Variants in PDE9A observed in about 807,000 individuals in gnomAD.
The protein encoded by PDE9A is high affinity cGMP-specific 3',5'-cyclic phosphodiesterase 9A.
Under a neutral mutation model 87.4 loss-of-function variants are expected in PDE9A, and 60 were observed. That is an observed-to-expected ratio of 0.69 (90% confidence interval 0.56 to 0.85). The LOEUF is 0.85. PDE9A is among the 40% of genes least tolerant of loss of function. PDE9A has a pLI of 0.00. For missense variants in PDE9A, 665 were observed against 779.0 expected (o/e 0.85, Z 1.74); for synonymous variants, 272 against 279.4 (o/e 0.97, Z 0.27).
chr21:42,688,093 G>A, intron 3 of PDE9A, 99 bp downstream of exon 3: 1 of 991,870 alleles, frequency 1.0e-6, no homozygotes, highest in Non-Finnish European at 1.6e-6. Flanking sequence ...CTGCAGAAAG[G>A]TGTGAATTGA....
chr21:42,775,344 G>A lies in PDE9A; in HGVS notation c.*51G>A, dbSNP rs201154080. The A allele has an allele frequency of 4.4e-4, 694 of 1,587,234 alleles. No individual in the cohort carries two copies. The African/African-American group carries it at 6.4e-3, about 15-fold the overall frequency. ...TCTGGACGGGCTGGCCGAGCTGCGC[G>A]GGATCCTTGTGCAGGGAAGAGCTGC... On this transcript the variant is annotated 3_prime_UTR_variant, in exon 20 of 20. Coordinates refer to ENST00000291539, the MANE Select transcript of PDE9A (RefSeq NM_002606.3).
intron 7 of PDE9A, chr21:42,733,639 T>C: frequency 1.7e-6 from 1 of 580,202 alleles, no homozygotes; most frequent in Non-Finnish European, 3.1e-6. Context: ...GCACAGCTCA[T>C]GGTATAAAGC....
intron 8 of PDE9A, among the ~76,000 whole-genome samples, chr21:42,750,886 C>T (rs924400567): frequency 1.3e-5 from 2 of 151,850 alleles, no homozygotes; most frequent in African/African-American, 4.8e-5. Context: ...CGCCCAGCCC[C>T]AACATCTGAC....
At chr21:42,713,496 T>C (rs2049535459) in intron 4 of PDE9A, among the ~76,000 whole-genome samples, 1 of 152,250 alleles carries the variant, frequency 6.6e-6, no homozygotes, top group African/African-American at 2.4e-5. Context: ...CTGTCTATGC[T>C]TAAATGGGAT....
chr21:42,700,708 A>G (rs2048318585), intron 4 of PDE9A: 2 of 152,194 alleles, frequency 1.3e-5, no homozygotes, highest in Admixed American at 1.3e-4. Flanking sequence ...TCATTTCTCC[A>G]GCACCATTTG....
intron 7 of PDE9A, among the ~76,000 whole-genome samples, chr21:42,742,732 TG>T (rs1235268834): frequency 2.6e-5 from 4 of 152,116 alleles, no homozygotes. Flanking sequence ...CCCAAAGTGC[TG>T]GGATTACAGG....
Position 42,694,390 on chromosome 21 carries a change from G to A in PDE9A, c.219-4578G>A, listed in dbSNP as rs1473395373. 6.6e-6 allele frequency among the ~76,000 whole-genome samples: 1 copy of A among 152,150 alleles called. No individual in the cohort carries two copies. Among genetic ancestry groups the A allele is most frequent in the Non-Finnish European group, 1.5e-5 (1 of 68,016 alleles). ...CTGGCATGCTTGGATTCCTGCAGGT[G>A]GCTGGTTGCACCTAGCTTGCTTGGA... On this transcript the variant is annotated intron_variant, in intron 3 of 19. Transcript: ENST00000291539. The surrounding 1 kb of genome is among the most constrained non-coding windows in gnomAD (Gnocchi z 5.3).
intron 4 of PDE9A, among the ~76,000 whole-genome samples, chr21:42,708,994 T>C (rs749519153): frequency 6.6e-6 from 1 of 152,232 alleles, no homozygotes; most frequent in Non-Finnish European, 1.5e-5. Flanking sequence ...TATAAAGATA[T>C]ATCTACATGT....
chr21:42,769,233 A>G, intron 17 of PDE9A, 78 bp downstream of exon 17: 1 of 1,316,166 alleles, frequency 7.6e-7, no homozygotes, highest in Non-Finnish European at 1.1e-6. Flanking sequence ...ACACATATAC[A>G]CATATGCACA....
At chr21:42,681,431 C>T (rs934710049) in intron 1 of PDE9A, among the ~76,000 whole-genome samples, 2 of 152,202 alleles carry the variant, frequency 1.3e-5, no homozygotes, top group African/African-American at 2.4e-5. Flanking sequence ...TGGCTGGGTG[C>T]GTGGGAGCCA....
Position 42,743,866 on chromosome 21 carries a change from G to T in PDE9A, c.653+6G>T. 6.4e-7 allele frequency: 1 copy of T among 1,552,204 alleles called. No homozygotes were observed. The highest frequency in any genetic ancestry group is 8.8e-7 in the Non-Finnish European group (1 of 1,141,200). ...CTGGCGGCCAGAAGCAGCAGGTAGG[G>T]TCTGCGCTGGGGCCACGGGCGGCCG... is the stretch of plus-strand genomic sequence containing the variant. On this transcript the variant is annotated splice_donor_region_variant and intron_variant, in intron 8 of 19. Coordinates refer to ENST00000291539, the MANE Select transcript of PDE9A (RefSeq NM_002606.3).
At chr21:42,716,516 C>G (rs2049931344) in intron 4 of PDE9A, among the ~76,000 whole-genome samples, 1 of 151,588 alleles carries the variant, frequency 6.6e-6, no homozygotes, top group Non-Finnish European at 1.5e-5. Flanking sequence ...TGCCTGCTTG[C>G]CATCTGCATG....
intron 14 of PDE9A, among the ~76,000 whole-genome samples, chr21:42,763,522 C>G (rs2147128225): frequency 6.6e-6 from 1 of 152,316 alleles, no homozygotes; most frequent in Admixed American, 6.5e-5. Flanking sequence ...GGACCCTCCC[C>G]TGGAGTCTTC....
rs531109184 is a variant in PDE9A, at chr21:42,695,545, G to A, written c.219-3423G>A. Among the ~76,000 whole-genome samples the A allele has an allele frequency of 2.0e-4, 30 of 152,226 alleles. No homozygotes were observed. The highest frequency in any genetic ancestry group is 3.2e-3 in the Middle Eastern group (1 of 316). ...ACACACCATTGCTCCTTTTGTTCCC[G>A]GTTTCGGCCAAGTTGTGCCGCAGGT... On this transcript the variant is annotated intron_variant, in intron 3 of 19. Transcript: ENST00000291539. The surrounding 1 kb of genome is among the most constrained non-coding windows in gnomAD (Gnocchi z 4.3).
intron 14 of PDE9A, 78 bp from the exon 15 acceptor site, chr21:42,765,303 G>C: frequency 4.1e-6 from 3 of 730,742 alleles, no homozygotes; most frequent in Admixed American, 2.3e-5. Context: ...TGTGCAGGGG[G>C]CTCAGTACAC....
intron 1 of PDE9A, among the ~76,000 whole-genome samples, chr21:42,657,341 G>A (rs530042121): frequency 3.9e-5 from 6 of 152,320 alleles, no homozygotes; most frequent in South Asian, 2.1e-4. Context: ...CCCCAACCCC[G>A]TGTCTAGACC....
intron 1 of PDE9A, among the ~76,000 whole-genome samples, chr21:42,656,574 G>A (rs990194903): frequency 3.5e-5 from 5 of 142,982 alleles, no homozygotes; most frequent in Non-Finnish European, 4.5e-5. Context: ...CAGAGGAGCC[G>A]CTGCAGCCAC....
intron 7 of PDE9A, among the ~76,000 whole-genome samples, chr21:42,737,492 C>T (rs2052581666): frequency 6.6e-6 from 1 of 152,192 alleles, no homozygotes; most frequent in South Asian, 2.1e-4. Flanking sequence ...CGGAGTTTTG[C>T]TCTTTGGCCC....
intron 2 of PDE9A, among the ~76,000 whole-genome samples, chr21:42,686,986 C>A (rs2059516845): frequency 6.6e-6 from 1 of 152,192 alleles, no homozygotes; most frequent in Non-Finnish European, 1.5e-5. Context: ...GAAAGGCTGA[C>A]TTCAGAAATG....
Sources: gnomAD v4.1 joint callset for allele counts (sites outside exome capture counted in the v4.1 genomes callset) on GRCh38, gnomAD v4.1.1 for gene constraint, Gnocchi (gnomAD v3.1) non-coding constraint, MANE v1.5 for transcripts, NCBI Gene and HGNC (gene_info 2026-07-23, HGNC 2026-07-21) for gene names.